MPND: variants seen among roughly 807,000 people sequenced by gnomAD.
MPND encodes MPN domain containing, also known as MPN domain-containing protein.
MPND carries 56 observed loss-of-function variants against 59.2 expected under a neutral mutation model. The ratio of observed to expected loss-of-function variants is 0.95; its 90% CI spans 0.76 to 1.18. The LOEUF (loss-of-function observed/expected upper bound fraction) is 1.18, where lower values mean the gene tolerates loss of function less well. Among genes scored for constraint, MPND ranks in the 50% most tolerant of loss-of-function variants. MPND has a pLI of 0.00. For missense variants in MPND, 671 were observed against 676.0 expected (o/e 0.99, Z 0.08); for synonymous variants, 323 against 291.9 (o/e 1.11, Z -1.09).
At chr19:4,350,632 G>A (rs960605807) in intron 3 of MPND, among the ~76,000 whole-genome samples, 4 of 152,178 alleles carry the variant, frequency 2.6e-5, no homozygotes, top group Admixed American at 6.5e-5. Context: ...TGAGCAAGTG[G>A]GTGGATCGAG....
At position 4,357,772 on chromosome 19, in the gene MPND, G is replaced by A. The variant is rs777647737; in HGVS notation, c.1236+187G>A. ...GTGAGGTCCTGGGCGTGGGGCCTCC[G>A]TTGTGTCATTGGCTGCTCAGTACAA... On this transcript the variant is annotated intron_variant, in intron 10 of 12. Coordinates refer to ENST00000599840, the MANE Select transcript of MPND (RefSeq NM_001300862.2). 1.7e-3 allele frequency: 1,092 copies of A among 637,346 alleles called. 1 individual carries two copies. The highest frequency in any genetic ancestry group is 2.5e-3 in the Non-Finnish European group (931 of 368,232). The allele number at this position is 637,346 out of a possible 1,614,324, so 39.5% of individuals were successfully genotyped here.
intron 3 of MPND, chr19:4,349,123 A>G (rs1240847723): frequency 6.3e-6 from 1 of 158,038 alleles, no homozygotes; most frequent in Admixed American, 6.3e-5. Flanking sequence ...GCTGGAGTGC[A>G]GTGCTGTGAT....
intron 11 of MPND, chr19:4,358,389 T>G: frequency 1.7e-6 from 1 of 572,912 alleles, no homozygotes. Context: ...TGCTGTTCTC[T>G]AAGGCACTGG....
chr19:4,355,297 G>C, intron 8 of MPND, 124 bp downstream of exon 8: 1 of 912,072 alleles, frequency 1.1e-6, no homozygotes, highest in Non-Finnish European at 1.7e-6. Flanking sequence ...ATGCCCGTCT[G>C]TGTGCTTGGG....
intron 4 of MPND, 114 bp from the exon 5 acceptor site, chr19:4,353,931 C>T (rs113072364): frequency 0.011 from 9,999 of 869,624 alleles, 226 homozygotes; most frequent in South Asian, 0.056. Context: ...CATGCTCAAG[C>T]GATCCTCCTG....
chr19:4,356,941 A>C, intron 8 of MPND: 1 of 261,056 alleles, frequency 3.8e-6, no homozygotes. Flanking sequence ...CTCCCAGCCT[A>C]GTTTTAACTG....
At chr19:4,350,658 G>A (rs929181649) in intron 3 of MPND, among the ~76,000 whole-genome samples, 1 of 152,180 alleles carries the variant, frequency 6.6e-6, no homozygotes, top group African/African-American at 2.4e-5. Flanking sequence ...AAAATTGGGG[G>A]ATGTGGGAAG....
intron 3 of MPND, among the ~76,000 whole-genome samples, chr19:4,351,706 C>CA (rs1778391067): frequency 6.6e-6 from 1 of 151,446 alleles, no homozygotes; most frequent in African/African-American, 2.4e-5. Context: ...ACTAAAAATA[C>CA]AAAAAATTAG....
rs759276072 is a variant in MPND at position 4,354,107 on chromosome 19, C to A, written c.727C>A (p.Leu243Met). 1.2e-6 allele frequency: 2 copies of A among 1,612,812 alleles called. No homozygotes were observed. Among genetic ancestry groups the A allele is most frequent in the African/African-American group, 1.3e-5 (1 of 75,032 alleles). ...CCGGGTTCCGGTCCGCTACTGCATG[C>A]TGGGCAGCCGCGACTTGGCCAGGTC... The part of the protein sequence containing the change: ...KIRVPVRYCM[L>M]GSRDLARNPH... Residue 243 changes from leucine to methionine, a missense_variant, in exon 5 of 13, where the codon CTG becomes ATG. Transcript: ENST00000599840.
Position 4,358,075 on chromosome 19 carries a change from C to A in MPND, c.1237-8C>A. 1 of 1,550,668 alleles carries A rather than the reference C, an allele frequency of 6.4e-7. No individual in the cohort carries two copies. The highest frequency in any genetic ancestry group is 2.4e-5 in the East Asian group (1 of 40,924). The stretch of plus-strand genomic sequence containing the variant: ...GAGGCTTCTCTCACTGGTCTGTGTC[C>A]CTGCCAGCAAAGGCCCAGTGACTAT... On this transcript the variant is annotated splice_region_variant and splice_polypyrimidine_tract_variant and intron_variant, in intron 10 of 12. Coordinates refer to ENST00000599840, the MANE Select transcript of MPND (RefSeq NM_001300862.2).
intron 3 of MPND, among the ~76,000 whole-genome samples, chr19:4,349,452 G>A (rs564283246): frequency 6.6e-6 from 1 of 152,038 alleles, no homozygotes; most frequent in Non-Finnish European, 1.5e-5. Context: ...GGGATGGAGC[G>A]TCAGGAAGTG....
At chr19:4,345,258 G>T (rs1243071000) in intron 2 of MPND, among the ~76,000 whole-genome samples, 1 of 151,380 alleles carries the variant, frequency 6.6e-6, no homozygotes, top group Non-Finnish European at 1.5e-5. Context: ...TGTTGGCCAG[G>T]CTGGTCTCAA....
At position 4,357,601 on chromosome 19, in the gene MPND, G is replaced by A. The variant is rs375798863; in HGVS notation, c.1236+16G>A. The A allele has an allele frequency of 1.9e-6, 3 of 1,599,226 alleles. No individual in the cohort carries two copies. In the African/African-American group the frequency reaches 4.0e-5, roughly 21 times the overall value. ...TCCTCCCGAGGTAGGTGGGGCTGTT[G>A]GGAGAGCCTGGGGGGCCCGGGAGCA... On this transcript the variant is annotated intron_variant, in intron 10 of 12. Transcript: ENST00000599840.
intron 3 of MPND, among the ~76,000 whole-genome samples, 168 bp from the exon 4 acceptor site, chr19:4,352,729 T>A (rs560792197): frequency 1.3e-5 from 2 of 150,178 alleles, no homozygotes; most frequent in Admixed American, 6.7e-5. Context: ...TAAAAAAAAA[T>A]GTGAGGTCTT....
chr19:4,359,319 A>G, intron 12 of MPND, 64 bp downstream of exon 12: 1 of 1,267,794 alleles, frequency 7.9e-7, no homozygotes, highest in South Asian at 1.2e-5. Flanking sequence ...GGGCAGCCTA[A>G]AAGGTGGCAG....
At position 4,350,348 on chromosome 19, in the gene MPND, G is replaced by A. The variant is rs559496760; in HGVS notation, c.532-2549G>A. On this transcript the variant is annotated intron_variant, in intron 3 of 12. Coordinates refer to ENST00000599840, the MANE Select transcript of MPND (RefSeq NM_001300862.2). ...TATGGGGAGAACTTGGGCTTTGACC[G>A]GGAGGAAGGTGGGAGCCATGGAGTG... 1.1e-3 allele frequency among the ~76,000 whole-genome samples: 167 copies of A among 152,192 alleles called. 1 individual carries two copies. Among genetic ancestry groups the A allele is most frequent in the African/African-American group, 1.5e-3 (64 of 41,522 alleles).
In MPND at chr19:4,359,392, C is replaced by T; in HGVS notation, c.1419+137C>T. ...CAGCTGGCAGACTGGTGACCCTGGT[C>T]ACCCCGTGGCCACCCCAGCAGGGTG... is the stretch of plus-strand genomic sequence containing the variant. On this transcript the variant is annotated intron_variant, in intron 12 of 12. Transcript: ENST00000599840. 9.5e-6 allele frequency: 6 copies of T among 633,132 alleles called. 1 individual carries two copies. The South Asian group carries it at 1.1e-4, about 12-fold the overall frequency. The allele number at this position is 633,132 out of a possible 1,614,324, so 39.2% of individuals were successfully genotyped here. A position where few individuals can be genotyped will look rare whatever the true frequency, so the allele number is the denominator to read the frequency against.
At chr19:4,358,242 C>A in intron 11 of MPND, 70 bp downstream of exon 11, 1 of 1,378,538 alleles carries the variant, frequency 7.3e-7, no homozygotes, top group Non-Finnish European at 1.0e-6. Context: ...CGTTGGTCTG[C>A]TTCCCACCGG....
intron 2 of MPND, among the ~76,000 whole-genome samples, chr19:4,345,257 G>A (rs1052439309): frequency 6.6e-6 from 1 of 151,390 alleles, no homozygotes; most frequent in South Asian, 2.1e-4. Flanking sequence ...ATGTTGGCCA[G>A]GCTGGTCTCA....
Sources: allele counts gnomAD v4.1 joint callset (sites outside exome capture counted in the v4.1 genomes callset), GRCh38; gene constraint gnomAD v4.1.1; transcripts MANE v1.5; gene names NCBI Gene and HGNC (gene_info 2026-07-23, HGNC 2026-07-21).